The following EYS variants were observed in gnomAD, a reference collection of about 807,000 sequenced individuals.
The protein encoded by EYS is protein eyes shut homolog.
A neutral mutation model predicts 282.1 loss-of-function variants in EYS; 250 were observed. That is an observed-to-expected ratio of 0.89 (90% CI 0.80 to 0.98). EYS has a LOEUF of 0.98. EYS is among the 50% of genes least tolerant of loss of function. The probability of loss-of-function intolerance (pLI) is 0.00; values close to 1 mark genes in which losing one functional copy is unlikely to be tolerated. For missense variants in EYS, 4,016 were observed against 3,709.0 expected, an observed-to-expected ratio of 1.08 and a Z score of -2.15; for synonymous variants, 1,355 against 1,282.9, an observed-to-expected ratio of 1.06 and a Z score of -1.20.
intron 26 of EYS, among the ~76,000 whole-genome samples, chr6:64,526,978 C>A (rs2150529200): frequency 6.6e-6 from 1 of 151,762 alleles, no homozygotes; most frequent in Admixed American, 6.6e-5. Context: ...CAAAACAGAG[C>A]ACAGAGAGCA....
Position 64,591,171 on chromosome 6 carries a change from ATT to A in EYS, c.4694_4695del (p.Lys1565IlefsTer4). On this transcript the variant is annotated frameshift_variant, in exon 26 of 43. Coordinates refer to ENST00000503581, the MANE Select transcript of EYS (RefSeq NM_001142800.2). LOFTEE classifies it high-confidence loss of function. ...ACTTGATCTGAGAATTCACGAGAGG[ATT>A]TTATTTCAGTCATAGAACATGTTGC... Reference protein sequence around the residue: ...TCATCSMTEIKSSREFSDQVL... With the variant: ...TCATCSMTEIXSSREFSDQVL... 1 of 1,551,274 alleles carries A rather than the reference ATT, an allele frequency of 6.4e-7. No homozygotes were observed. The highest frequency in any genetic ancestry group is 1.2e-5 in the South Asian group (1 of 84,052).
chr6:63,853,673 C>A (rs1581896502), intron 36 of EYS, among the ~76,000 whole-genome samples: 1 of 152,108 alleles, frequency 6.6e-6, no homozygotes, highest in South Asian at 2.1e-4. Context: ...CTCATATACC[C>A]AAGACAATCC....
chr6:65,385,273 T>C (rs1193555950), intron 7 of EYS, among the ~76,000 whole-genome samples: 3 of 151,958 alleles, frequency 2.0e-5, no homozygotes, highest in Non-Finnish European at 4.4e-5. Flanking sequence ...GATTTATTAA[T>C]GAAGTGAATT....
At chr6:64,937,051 A>G (rs1359631679) in intron 15 of EYS, among the ~76,000 whole-genome samples, 4 of 151,534 alleles carry the variant, frequency 2.6e-5, no homozygotes, top group African/African-American at 9.7e-5. Flanking sequence ...TGGAAAGAAT[A>G]GTATTTTTAA....
chr6:64,715,322 T>C (rs1353368968), intron 22 of EYS, among the ~76,000 whole-genome samples: 1 of 151,874 alleles, frequency 6.6e-6, no homozygotes, highest in African/African-American at 2.4e-5. Context: ...CAAAATTGCT[T>C]TTCAGTTGTT....
chr6:65,174,216 G>T (rs1765175001), intron 12 of EYS, among the ~76,000 whole-genome samples: 2 of 151,116 alleles, frequency 1.3e-5, no homozygotes, highest in Admixed American at 1.3e-4. Flanking sequence ...CTGTGAAAGA[G>T]AACATAATTT....
At chr6:63,956,843 T>G (rs1765846849) in intron 35 of EYS, among the ~76,000 whole-genome samples, 1 of 152,174 alleles carries the variant, frequency 6.6e-6, no homozygotes, top group African/African-American at 2.4e-5. Flanking sequence ...CCCTGGATAG[T>G]GTGACTAAAA....
chr6:63,969,568 T>C (rs565395798), intron 35 of EYS, among the ~76,000 whole-genome samples: 1 of 152,374 alleles, frequency 6.6e-6, no homozygotes, highest in Non-Finnish European at 1.5e-5. Flanking sequence ...TTAGGACTTA[T>C]TTTGTTCTCT....
intron 22 of EYS, among the ~76,000 whole-genome samples, chr6:64,750,107 T>C (rs1302769308): frequency 6.6e-6 from 1 of 152,100 alleles, no homozygotes; most frequent in African/African-American, 2.4e-5. Context: ...TTTGTGAACA[T>C]AATATCTCTT....
intron 5 of EYS, among the ~76,000 whole-genome samples, chr6:65,486,934 C>T (rs1247105026): frequency 1.3e-5 from 2 of 152,096 alleles, no homozygotes; most frequent in Admixed American, 1.3e-4. Context: ...CTCTTTGTAG[C>T]AATTGTGAAT....
chr6:63,720,598 A>C lies in EYS; in HGVS notation c.9433T>G (p.Ter3145GluextTer12), dbSNP rs1348024945. 2.0e-6 allele frequency: 3 copies of C among 1,470,844 alleles called. No homozygotes were observed. The highest frequency in any genetic ancestry group is 2.8e-5 in the African/African-American group (2 of 70,244). The allele number at this position is 1,470,844 out of a possible 1,614,324, so 91.1% of individuals were successfully genotyped here. Residue 3145 changes from the stop codon to glutamate, a stop_lost, in exon 43 of 43, where the codon TAA (stop) becomes GAA (glutamate). Transcript: ENST00000503581. ...YDGDEQNEVT[*>E] ...GTACTAAAATCTCTAGTGTTAACTT[A>C]TGTAACCTCATTTTGTTCATCTCCA...
intron 31 of EYS, among the ~76,000 whole-genome samples, chr6:64,218,873 A>G (rs1319279063): frequency 6.6e-6 from 1 of 152,168 alleles, no homozygotes; most frequent in Non-Finnish European, 1.5e-5. Flanking sequence ...GATCCAATTG[A>G]TGATGAGGAA....
chr6:63,725,272 C>T (rs1307068909), intron 42 of EYS, among the ~76,000 whole-genome samples: 2 of 152,064 alleles, frequency 1.3e-5, no homozygotes, highest in Non-Finnish European at 2.9e-5. Flanking sequence ...AGAAGATGTG[C>T]TCTTGCCCTC....
At chr6:64,142,095 G>A (rs1009098642) in intron 31 of EYS, among the ~76,000 whole-genome samples, 2 of 152,004 alleles carry the variant, frequency 1.3e-5, no homozygotes, top group Admixed American at 1.3e-4. Context: ...GAATGCCTAG[G>A]AGTCCTCGAG....
At chr6:65,142,658 TA>T (rs757628235) in intron 12 of EYS, among the ~76,000 whole-genome samples, 4,801 of 144,602 alleles carry the variant, frequency 0.033, 123 homozygotes, top group Non-Finnish European at 0.046. Flanking sequence ...ATTCCAAATT[TA>T]AAAAAAAAAA....
At chr6:63,769,746 G>T (rs58794911) in intron 40 of EYS, among the ~76,000 whole-genome samples, 7 of 151,778 alleles carry the variant, frequency 4.6e-5, no homozygotes, top group Admixed American at 1.3e-4. Flanking sequence ...AGTTCTGACC[G>T]TCAATTTTAT....
chr6:65,540,661 G>C (rs141940620), intron 2 of EYS, among the ~76,000 whole-genome samples: 1 of 152,170 alleles, frequency 6.6e-6, no homozygotes, highest in Non-Finnish European at 1.5e-5. Flanking sequence ...GCTCACGCCT[G>C]TAATCCCAGC....
intron 19 of EYS, among the ~76,000 whole-genome samples, chr6:64,857,229 C>T (rs562810751): frequency 1.3e-5 from 2 of 152,174 alleles, no homozygotes; most frequent in African/African-American, 2.4e-5. Flanking sequence ...GAATGCCATA[C>T]ATTTCCCTAT....
chr6:64,922,753 AG>A (rs1768389284), intron 15 of EYS, among the ~76,000 whole-genome samples: 1 of 152,128 alleles, frequency 6.6e-6, no homozygotes, highest in African/African-American at 2.4e-5. Context: ...CCTAGCTTCT[AG>A]GGTGTCCTGG....
Sources: allele counts gnomAD v4.1 joint callset (sites outside exome capture counted in the v4.1 genomes callset), GRCh38; gene constraint gnomAD v4.1.1; transcripts MANE v1.5; gene names NCBI Gene and HGNC (gene_info 2026-07-23, HGNC 2026-07-21).